KNTC1: variants seen among roughly 807,000 people sequenced by gnomAD.
KNTC1 encodes kinetochore associated 1.
Under a neutral mutation model 314.4 loss-of-function variants are expected in KNTC1, and 253 were observed. The observed-to-expected ratio is 0.80, with a 90% CI of 0.73 to 0.89. KNTC1 has a LOEUF of 0.89. Among genes scored for constraint, KNTC1 ranks in the 40% least tolerant of loss-of-function variants. The pLI is 0.00. For synonymous variants in KNTC1, 901 were observed against 901.4 expected, an observed-to-expected ratio of 1.00 and a Z score of 0.01; for missense variants, 2,475 against 2,572.9, an observed-to-expected ratio of 0.96 and a Z score of 0.82.
chr12:122,610,299 G>A (rs1017820030), intron 52 of KNTC1, among the ~76,000 whole-genome samples: 6 of 152,268 alleles, frequency 3.9e-5, no homozygotes, highest in South Asian at 4.2e-4. Context: ...AAAGAGGAGA[G>A]AAAAAGGAAA....
At position 122,570,915 on chromosome 12, in the gene KNTC1, C is replaced by T. The variant is rs1372404574; in HGVS notation, c.1900C>T (p.Leu634Phe). 2 of 1,567,068 alleles carry T rather than the reference C, an allele frequency of 1.3e-6. No individual in the cohort carries two copies. Among genetic ancestry groups the T allele is most frequent in the Non-Finnish European group, 1.7e-6 (2 of 1,153,100 alleles). The change falls in exon 23 of 64, where the codon CTT becomes TTT. Residue 634 changes from leucine to phenylalanine, a missense_variant. By Grantham distance (22) the Leu-to-Phe change is conservative. Transcript: ENST00000333479. The part of the protein sequence containing the change: ...AKWLEQAARN[L>F]ELTDKANWPE... The stretch of plus-strand genomic sequence containing the variant: ...ATGGTTGGAACAAGCAGCCAGGAAC[C>T]TTGAATTAACTGATAAGGTAATACT...
chr12:122,608,331 T>C (rs1000947903), intron 51 of KNTC1, among the ~76,000 whole-genome samples: 1 of 152,298 alleles, frequency 6.6e-6, no homozygotes, highest in East Asian at 1.9e-4. Flanking sequence ...GTTTTCGCCA[T>C]GTTGCCCAGG....
intron 43 of KNTC1, among the ~76,000 whole-genome samples, chr12:122,596,849 C>CA (rs1389309382): frequency 2.7e-5 from 4 of 150,822 alleles, no homozygotes; most frequent in Admixed American, 6.6e-5. Flanking sequence ...CTCAAAGAAA[C>CA]AAAAAAAAAT....
chr12:122,585,917 G>T, intron 37 of KNTC1, 143 bp downstream of exon 37: 1 of 721,820 alleles, frequency 1.4e-6, no homozygotes, highest in Admixed American at 2.6e-5. Context: ...AGATACAAAA[G>T]AATAAATACT....
chr12:122,589,616 G>A (rs1417431867), intron 40 of KNTC1, among the ~76,000 whole-genome samples: 2 of 151,598 alleles, frequency 1.3e-5, no homozygotes, highest in Non-Finnish European at 2.9e-5. Context: ...GGGGCTGCTG[G>A]TGTTTTACCA....
At chr12:122,568,044 C>T (rs1964458596) in intron 20 of KNTC1, among the ~76,000 whole-genome samples, 2 of 152,110 alleles carry the variant, frequency 1.3e-5, no homozygotes, top group South Asian at 4.1e-4. Flanking sequence ...TAGGAAGCTA[C>T]ATGGCTCTGA....
At position 122,587,896 on chromosome 12, in the gene KNTC1, C is replaced by A. The variant is rs190460341; in HGVS notation, c.3894+22C>A. 1.4e-4 allele frequency: 229 copies of A among 1,600,958 alleles called. No individual in the cohort carries two copies. In the East Asian group the frequency reaches 2.1e-3, roughly 15 times the overall value. ...AAAGGTATAGTGTCAAGAACAAATACTTTGACTTGGGGTGAATATAGATGT... is the reference window on the plus strand; with the variant it reads ...AAAGGTATAGTGTCAAGAACAAATAATTTGACTTGGGGTGAATATAGATGT... On this transcript the variant is annotated intron_variant, in intron 39 of 63. Transcript: ENST00000333479.
In KNTC1 at chr12:122,622,070, CTGTT is replaced by C. The variant is rs751055753; in HGVS notation, c.6369+106_6369+109del. ...GTAAGCTGAAAACTGCTATGTCTAG[CTGTT>C]TGTTTATGTATAGAATTATTTTGCT... On this transcript the variant is annotated intron_variant, in intron 61 of 63. Transcript: ENST00000333479. 1.6e-4 allele frequency: 133 copies of C among 838,678 alleles called. 1 individual carries two copies. The highest frequency in any genetic ancestry group is 2.5e-4 in the Non-Finnish European group (128 of 520,922). 52.0% of individuals were successfully genotyped at this position (838,678 alleles called of 1,614,324 possible).
chr12:122,609,269 T>A, intron 51 of KNTC1, 115 bp from the exon 52 acceptor site: 1 of 694,602 alleles, frequency 1.4e-6, no homozygotes, highest in Non-Finnish European at 2.5e-6. Flanking sequence ...AATTTTTCAA[T>A]GTAAACATAA....
intron 43 of KNTC1, among the ~76,000 whole-genome samples, chr12:122,594,721 T>G (rs1463758550): frequency 2.0e-5 from 3 of 152,168 alleles, no homozygotes; most frequent in African/African-American, 7.2e-5. Context: ...CTCAGGTGAT[T>G]CCTATGATCA....
intron 18 of KNTC1, 94 bp downstream of exon 18, chr12:122,557,783 A>C: frequency 1.2e-6 from 1 of 819,106 alleles, no homozygotes; most frequent in Non-Finnish European, 2.0e-6. Flanking sequence ...TTTTCCTCCT[A>C]TCCGCTATGT....
chr12:122,569,144 G>A (rs993864153), intron 21 of KNTC1, among the ~76,000 whole-genome samples: 3 of 152,098 alleles, frequency 2.0e-5, no homozygotes, highest in Non-Finnish European at 2.9e-5. Flanking sequence ...TTATACCACT[G>A]AACTTAAAAG....
At chr12:122,607,652 A>G (rs1872697329) in intron 51 of KNTC1, among the ~76,000 whole-genome samples, 3 of 152,246 alleles carry the variant, frequency 2.0e-5, no homozygotes, top group South Asian at 2.1e-4. Flanking sequence ...TCTCTACTCC[A>G]TAATTACTAT....
At chr12:122,546,519 A>G (rs1962777267) in intron 9 of KNTC1, 103 bp from the exon 10 acceptor site, 1 of 777,392 alleles carries the variant, frequency 1.3e-6, no homozygotes. Flanking sequence ...AATGGGACCT[A>G]GTAATTATGT....
intron 52 of KNTC1, 86 bp downstream of exon 52, chr12:122,609,516 T>C: frequency 4.7e-6 from 4 of 860,020 alleles, no homozygotes; most frequent in South Asian, 3.3e-5. Context: ...TTGATTTTTT[T>C]AAAGGGCTTT....
Position 122,597,798 on chromosome 12 carries a change from G to C in KNTC1, c.4423G>C (p.Ala1475Pro). The C allele has an allele frequency of 6.2e-7, 1 of 1,613,986 alleles. No homozygotes were observed. The stretch of plus-strand genomic sequence containing the variant: ...TGAAACGCTGCTCCACAACACAAAT[G>C]CCGGCCAAGGCCAGGGAGATGCAAG... ...FIETLLHNTN[A>P]GQGQGDASMD... Residue 1475 changes from alanine to proline, a missense_variant, in exon 44 of 64, where the codon GCC (alanine) becomes CCC (proline). Physicochemically the swap from Ala to Pro is conservative, Grantham distance 27 (BLOSUM62 -1). Transcript: ENST00000333479.
At chr12:122,550,477 C>T (rs1289693189) in intron 13 of KNTC1, among the ~76,000 whole-genome samples, 1 of 151,904 alleles carries the variant, frequency 6.6e-6, no homozygotes, top group African/African-American at 2.4e-5. Context: ...AAGAATCACT[C>T]ATCAAATTTA....
chr12:122,611,064 C>T (rs771971846), intron 53 of KNTC1, 164 bp downstream of exon 53: 7 of 621,594 alleles, frequency 1.1e-5, no homozygotes, highest in Non-Finnish European at 2.0e-5. Context: ...TTGTCTTGCA[C>T]CATGCTCCAT....
chr12:122,622,434 G>C, intron 61 of KNTC1, 28 bp from the exon 62 acceptor site: 1 of 1,491,352 alleles, frequency 6.7e-7, no homozygotes, highest in Non-Finnish European at 9.2e-7. Flanking sequence ...TTAGAAGTCT[G>C]ATCTTAATGA....
Sources: gnomAD v4.1 joint callset for allele counts (sites outside exome capture counted in the v4.1 genomes callset) on GRCh38, gnomAD v4.1.1 for gene constraint, MANE v1.5 for transcripts, NCBI Gene and HGNC (gene_info 2026-07-23, HGNC 2026-07-21) for gene names.